The following NCAM2 variants were observed in gnomAD, a reference collection of about 807,000 sequenced individuals.
The protein encoded by NCAM2 is neural cell adhesion molecule 2, also known as N-CAM-2.
A neutral mutation model predicts 98.1 loss-of-function variants in NCAM2; 30 were observed. The observed-to-expected ratio is 0.31, with a 90% CI of 0.23 to 0.41. The LOEUF is 0.41. NCAM2 is among the 10% of genes least tolerant of loss of function. The pLI, the probability that NCAM2 is intolerant of heterozygous loss-of-function variation, is 1.00. For missense variants in NCAM2, 867 were observed against 1,005.8 expected, an observed-to-expected ratio of 0.86 and a Z score of 1.87; for synonymous variants, 368 against 342.4, an observed-to-expected ratio of 1.07 and a Z score of -0.83.
At chr21:21,139,578 T>C (rs1378909559) in intron 1 of NCAM2, among the ~76,000 whole-genome samples, 1 of 152,204 alleles carries the variant, frequency 6.6e-6, no homozygotes, top group Non-Finnish European at 1.5e-5. Flanking sequence ...TCTATAGATA[T>C]TTTATCTCGC....
intron 1 of NCAM2, among the ~76,000 whole-genome samples, chr21:21,201,096 G>A (rs2251490): frequency 0.36 from 54,240 of 151,814 alleles, 10,200 homozygotes; most frequent in Non-Finnish European, 0.43. Flanking sequence ...TCCTAATACC[G>A]TGTGTGCGGA....
At chr21:21,265,146 A>G (rs2072166573) in intron 1 of NCAM2, among the ~76,000 whole-genome samples, 1 of 119,170 alleles carries the variant, frequency 8.4e-6, no homozygotes, top group Non-Finnish European at 1.6e-5. Flanking sequence ...TATATAATAT[A>G]TATACATATA....
chr21:21,324,931 A>G (rs1040089067), intron 6 of NCAM2, among the ~76,000 whole-genome samples: 1 of 152,124 alleles, frequency 6.6e-6, no homozygotes, highest in African/African-American at 2.4e-5. Flanking sequence ...TGTATTATAG[A>G]AAAAACTGAT....
At chr21:21,094,233 T>C (rs998673235) in intron 1 of NCAM2, among the ~76,000 whole-genome samples, 3 of 151,914 alleles carry the variant, frequency 2.0e-5, no homozygotes, top group Non-Finnish European at 4.4e-5. Context: ...AAAATTCAAA[T>C]GTTTGTCAGT....
chr21:21,026,997 C>T (rs1428303521), intron 1 of NCAM2, among the ~76,000 whole-genome samples: 1 of 151,648 alleles, frequency 6.6e-6, no homozygotes, highest in Non-Finnish European at 1.5e-5. Context: ...GCTGGGATTG[C>T]AGGCGTGCTC....
intron 11 of NCAM2, among the ~76,000 whole-genome samples, chr21:21,427,446 G>A (rs2077239007): frequency 6.6e-6 from 1 of 152,090 alleles, no homozygotes; most frequent in Admixed American, 6.6e-5. Flanking sequence ...CCAAGACATT[G>A]GTTACATTGA....
intron 1 of NCAM2, among the ~76,000 whole-genome samples, chr21:21,017,574 C>G (rs138555664): frequency 6.6e-6 from 1 of 151,858 alleles, no homozygotes; most frequent in African/African-American, 2.4e-5. Context: ...CTCACTAATC[C>G]GGGTGCATGC....
rs533989925 is a variant in NCAM2, at chr21:21,447,562, A to G, written c.1654+15281A>G. Among the ~76,000 whole-genome samples the G allele has an allele frequency of 6.6e-5, 10 of 152,310 alleles. No homozygotes were observed. The South Asian group carries it at 1.9e-3, about 28-fold the overall frequency. On this transcript the variant is annotated intron_variant, in intron 12 of 17. Transcript: ENST00000400546. ...AATTTGACAAATGGGATTTAACTAA[A>G]GAGTTTCTGCACAGCAAAATAAACT...
At chr21:21,511,834 T>A (rs1988403214) in intron 16 of NCAM2, among the ~76,000 whole-genome samples, 1 of 152,080 alleles carries the variant, frequency 6.6e-6, no homozygotes, top group Admixed American at 6.6e-5. Context: ...TTGATTTGCA[T>A]TTCTCTGATG....
chr21:21,163,875 C>T (rs573274800), intron 1 of NCAM2, among the ~76,000 whole-genome samples: 26 of 152,194 alleles, frequency 1.7e-4, no homozygotes, highest in Admixed American at 1.5e-3. Flanking sequence ...TTTTTACTCC[C>T]AGAGTCTTGT....
intron 15 of NCAM2, among the ~76,000 whole-genome samples, chr21:21,499,703 A>G (rs541024138): frequency 4.8e-4 from 73 of 152,334 alleles, no homozygotes; most frequent in African/African-American, 1.7e-3. Flanking sequence ...GATTTAACAA[A>G]TGAAATAATA....
intron 11 of NCAM2, among the ~76,000 whole-genome samples, chr21:21,431,150 C>CAT (rs892325334): frequency 2.9e-4 from 26 of 89,630 alleles, no homozygotes; most frequent in East Asian, 1.4e-3. Context: ...TGTGTGTATA[C>CAT]ATATATATAT....
At chr21:21,378,977 A>T (rs976079573) in intron 9 of NCAM2, among the ~76,000 whole-genome samples, 1 of 152,114 alleles carries the variant, frequency 6.6e-6, no homozygotes, top group African/African-American at 2.4e-5. Flanking sequence ...TTTTTCTGAA[A>T]AAATATTACC....
chr21:21,436,453 C>T (rs1362468612), intron 12 of NCAM2, among the ~76,000 whole-genome samples: 1 of 152,174 alleles, frequency 6.6e-6, no homozygotes, highest in Non-Finnish European at 1.5e-5. Context: ...TGCCAAGTGG[C>T]ACTGTATTTC....
intron 1 of NCAM2, among the ~76,000 whole-genome samples, chr21:21,246,963 A>C (rs1429820301): frequency 6.6e-6 from 1 of 152,052 alleles, no homozygotes; most frequent in East Asian, 1.9e-4. Context: ...CATTTAACCT[A>C]CTGGGTAAAC....
At chr21:21,076,197 A>G (rs1376284333) in intron 1 of NCAM2, among the ~76,000 whole-genome samples, 1 of 152,108 alleles carries the variant, frequency 6.6e-6, no homozygotes, top group Non-Finnish European at 1.5e-5. Context: ...TATAAGGGAA[A>G]TGAGCTGAAA....
chr21:21,123,645 C>T (rs899682479), intron 1 of NCAM2, among the ~76,000 whole-genome samples: 7 of 151,874 alleles, frequency 4.6e-5, no homozygotes, highest in East Asian at 1.9e-4. Context: ...ATGTCTGATG[C>T]GCATTGCAAT....
chr21:21,477,586 G>T (rs757147004), intron 15 of NCAM2, 115 bp downstream of exon 15: 8 of 874,520 alleles, frequency 9.1e-6, no homozygotes, highest in Non-Finnish European at 1.1e-5. Context: ...TAAATTCCAG[G>T]TTCTAATTAT....
chr21:21,339,034 G>A (rs1030847471), intron 8 of NCAM2, among the ~76,000 whole-genome samples: 5 of 152,104 alleles, frequency 3.3e-5, no homozygotes, highest in South Asian at 2.1e-4. Context: ...AGTGATGAGC[G>A]TTGGGATTGG....
Sources: gnomAD v4.1 joint callset for allele counts (sites outside exome capture counted in the v4.1 genomes callset) on GRCh38, gnomAD v4.1.1 for gene constraint, MANE v1.5 for transcripts, NCBI Gene and HGNC (gene_info 2026-07-23, HGNC 2026-07-21) for gene names.